Variants in DLGAP1 observed in about 807,000 individuals in gnomAD.
The protein encoded by DLGAP1 is disks large-associated protein 1.
In DLGAP1, 11 loss-of-function variants were observed where a neutral mutation model predicts 90.8. The observed-to-expected ratio is 0.12, with a 90% confidence interval of 0.08 to 0.20. The LOEUF is 0.20. Ranked by LOEUF, DLGAP1 falls within the 10% of genes least tolerant of loss-of-function variation. DLGAP1 has a pLI of 1.00. For missense variants in DLGAP1, 1,050 were observed against 1,333.8 expected, an observed-to-expected ratio of 0.79 and a Z score of 3.31; for synonymous variants, 558 against 540.7, an observed-to-expected ratio of 1.03 and a Z score of -0.44.
intron 1 of DLGAP1, among the ~76,000 whole-genome samples, chr18:4,350,828 T>C (rs927865580): frequency 2.0e-5 from 3 of 152,296 alleles, no homozygotes; most frequent in African/African-American, 7.2e-5. Context: ...TTTCAAATAG[T>C]AGGTTTGATC....
At chr18:3,827,971 G>A (rs970752059) in intron 4 of DLGAP1, among the ~76,000 whole-genome samples, 11 of 152,268 alleles carry the variant, frequency 7.2e-5, no homozygotes, top group Admixed American at 7.2e-4. Flanking sequence ...GTACTTAATA[G>A]ATGCTTGCCA....
At chr18:3,507,527 A>G (rs145528896) in intron 11 of DLGAP1, among the ~76,000 whole-genome samples, 1,528 of 152,160 alleles carry the variant, frequency 0.01, 27 homozygotes, top group African/African-American at 0.035. Flanking sequence ...TCTCAAAACA[A>G]AAACAAAAAC....
At chr18:4,032,875 A>G (rs542599495) in intron 2 of DLGAP1, among the ~76,000 whole-genome samples, 1 of 152,288 alleles carries the variant, frequency 6.6e-6, no homozygotes, top group East Asian at 1.9e-4. Flanking sequence ...GATAGCAAAC[A>G]TTATGGTCAC....
chr18:4,089,472 A>C (rs2075735226), intron 2 of DLGAP1, among the ~76,000 whole-genome samples: 1 of 152,184 alleles, frequency 6.6e-6, no homozygotes, highest in African/African-American at 2.4e-5. Flanking sequence ...ATATGGAACC[A>C]AAAAAGGGCC....
chr18:4,067,875 C>T (rs1333447283), intron 2 of DLGAP1, among the ~76,000 whole-genome samples: 1 of 152,038 alleles, frequency 6.6e-6, no homozygotes, highest in African/African-American at 2.4e-5. Flanking sequence ...TTATGTCTTA[C>T]TACAACATAT....
intron 2 of DLGAP1, among the ~76,000 whole-genome samples, chr18:4,014,488 A>G (rs897492456): frequency 1.3e-5 from 2 of 152,200 alleles, no homozygotes; most frequent in African/African-American, 4.8e-5. Context: ...TTGATAGAAT[A>G]CTAGGGAAAT....
At chr18:3,549,216 A>G (rs538905996) in intron 9 of DLGAP1, among the ~76,000 whole-genome samples, 2 of 152,314 alleles carry the variant, frequency 1.3e-5, no homozygotes, top group Non-Finnish European at 2.9e-5. Context: ...ACTTTTAAAC[A>G]CTATTTCTAA....
chr18:3,698,201 G>C (rs1010368741), intron 7 of DLGAP1, among the ~76,000 whole-genome samples: 1 of 152,108 alleles, frequency 6.6e-6, no homozygotes, highest in Non-Finnish European at 1.5e-5. Flanking sequence ...GGTTAATACT[G>C]TTTGTGTGAA....
chr18:3,700,748 T>C (rs1484925633), intron 7 of DLGAP1, among the ~76,000 whole-genome samples: 1 of 152,116 alleles, frequency 6.6e-6, no homozygotes, highest in East Asian at 1.9e-4. Flanking sequence ...TAGCTGGGAC[T>C]ACAGGCGCCC....
At chr18:4,362,203 C>T (rs1174600494) in intron 1 of DLGAP1, among the ~76,000 whole-genome samples, 1 of 152,118 alleles carries the variant, frequency 6.6e-6, no homozygotes, top group Non-Finnish European at 1.5e-5. Flanking sequence ...AAATAGAATT[C>T]CTTTATGATC....
At chr18:3,997,469 C>G (rs371146117) in intron 3 of DLGAP1, among the ~76,000 whole-genome samples, 1 of 46,830 alleles carries the variant, frequency 2.1e-5, no homozygotes, top group Non-Finnish European at 4.1e-5. Flanking sequence ...TTATGAGGGC[C>G]TCAAGTTGCA....
At chr18:3,744,103 T>C (rs2063170265) in intron 5 of DLGAP1, among the ~76,000 whole-genome samples, 1 of 152,230 alleles carries the variant, frequency 6.6e-6, no homozygotes, top group Non-Finnish European at 1.5e-5. Flanking sequence ...GCCGCTATTA[T>C]TTATCATCCT....
intron 9 of DLGAP1, among the ~76,000 whole-genome samples, chr18:3,543,166 A>ATTTTTTTTTTTTTTTTTTTTT (rs76751283): frequency 1.6e-5 from 1 of 64,152 alleles, no homozygotes; most frequent in African/African-American, 3.9e-5. Context: ...CATGACTCCA[A>ATTTTTTTTTTTTTTTTTTTTT]TTTTTTTTTT....
chr18:3,602,584 G>A (rs1242050789), intron 7 of DLGAP1, among the ~76,000 whole-genome samples: 1 of 108,900 alleles, frequency 9.2e-6, no homozygotes, highest in Non-Finnish European at 1.7e-5. Flanking sequence ...GACAGAGCGA[G>A]ACTCCGTCCA....
At chr18:3,939,841 C>T (rs1298391343) in intron 3 of DLGAP1, among the ~76,000 whole-genome samples, 1 of 152,124 alleles carries the variant, frequency 6.6e-6, no homozygotes, top group African/African-American at 2.4e-5. Context: ...CCCTTTGACC[C>T]CAACCATTAA....
intron 2 of DLGAP1, among the ~76,000 whole-genome samples, chr18:4,080,174 A>C (rs1413641608): frequency 6.6e-6 from 1 of 152,164 alleles, no homozygotes; most frequent in Admixed American, 6.5e-5. Context: ...AAATAGACAT[A>C]TTGCAGTGCT....
intron 1 of DLGAP1, among the ~76,000 whole-genome samples, chr18:4,363,919 G>A (rs1334675217): frequency 6.6e-6 from 1 of 151,982 alleles, no homozygotes; most frequent in East Asian, 1.9e-4. Context: ...TATACCCAAA[G>A]GACTATAAAT....
intron 3 of DLGAP1, among the ~76,000 whole-genome samples, chr18:3,931,247 G>A (rs2072509449): frequency 6.6e-6 from 1 of 152,148 alleles, no homozygotes; most frequent in Non-Finnish European, 1.5e-5. Flanking sequence ...CTTTGGCTTG[G>A]GAATTGGGGT....
intron 7 of DLGAP1, among the ~76,000 whole-genome samples, chr18:3,644,674 A>G (rs1265449514): frequency 6.6e-6 from 1 of 152,168 alleles, no homozygotes; most frequent in Non-Finnish European, 1.5e-5. Flanking sequence ...CGGCCTCCCA[A>G]AGTGCTGGGA....
Sources: allele counts gnomAD v4.1 joint callset (sites outside exome capture counted in the v4.1 genomes callset), GRCh38; gene constraint gnomAD v4.1.1; transcripts MANE v1.5; gene names NCBI Gene and HGNC (gene_info 2026-07-23, HGNC 2026-07-21).